PNPLA7: variants seen among roughly 807,000 people sequenced by gnomAD.
The protein encoded by PNPLA7 is patatin like domain 7, lysophospholipase.
In PNPLA7, 153 loss-of-function variants were observed where a neutral mutation model predicts 161.7. The observed-to-expected ratio is 0.95, with a 90% CI of 0.83 to 1.08. PNPLA7 has a LOEUF of 1.08. Among genes scored for constraint, PNPLA7 ranks in the 50% least tolerant of loss-of-function variants. The pLI, the probability that PNPLA7 is intolerant of heterozygous loss-of-function variation, is 0.00. For missense variants in PNPLA7, 1,739 were observed against 1,856.6 expected (o/e 0.94, Z 1.16); for synonymous variants, 809 against 782.1 (o/e 1.03, Z -0.57).
intron 1 of PNPLA7, among the ~76,000 whole-genome samples, chr9:137,548,729 C>G (rs1290917007): frequency 6.6e-6 from 1 of 152,136 alleles, no homozygotes; most frequent in Non-Finnish European, 1.5e-5. Context: ...GCCTGGGCGA[C>G]AGAGCGAGAC....
chr9:137,461,464 G>A (rs1588521442), intron 33 of PNPLA7, 72 bp downstream of exon 33: 2 of 1,459,670 alleles, frequency 1.4e-6, no homozygotes, highest in East Asian at 2.4e-5. Context: ...TCTGGGGTGG[G>A]GGGGTTCAAG....
chr9:137,515,506 G>A lies in PNPLA7; in HGVS notation c.1098C>T (p.Gly366=). 6.4e-7 allele frequency: 1 copy of A among 1,556,480 alleles called. No homozygotes were observed. The highest frequency in any genetic ancestry group is 2.3e-5 in the East Asian group (1 of 43,272). ...QESCDSDHGG[G]RPAAAGPLLK... The stretch of plus-strand genomic sequence containing the variant: ...GCAGGGGCCCAGCAGCTGCCGGGCG[G>A]CCGCCCCCGTGATCTGCTGGGGAGG... The change falls in exon 12 of 35, where the codon GGC becomes GGT. Residue 366 remains glycine, a synonymous_variant. Transcript: ENST00000406427.
chr9:137,492,200 G>A, intron 20 of PNPLA7: 4 of 985,200 alleles, frequency 4.1e-6, no homozygotes, highest in Non-Finnish European at 4.8e-6. Context: ...CTGGAGCAGG[G>A]AAAACTAAAT....
intron 22 of PNPLA7, 82 bp from the exon 23 acceptor site, chr9:137,480,562 A>G: frequency 2.7e-6 from 4 of 1,461,316 alleles, no homozygotes; most frequent in Non-Finnish European, 3.7e-6. Context: ...AAGAGGCAGC[A>G]GAGGCCAGCA....
rs1384917842 is a variant in PNPLA7, at chr9:137,512,012, C to T, written c.1225+3367G>A. On this transcript the variant is annotated intron_variant, in intron 12 of 34. Coordinates refer to ENST00000406427, the MANE Select transcript of PNPLA7 (RefSeq NM_001098537.3). Reference sequence around the variant, plus strand: ...TGTATACAATAAATAGCAGTGCGTCCAGGCCTTCAGGGCCACTACCGGACT... The same window carrying T: ...TGTATACAATAAATAGCAGTGCGTCTAGGCCTTCAGGGCCACTACCGGACT... Among the ~76,000 whole-genome samples, 7 of 152,328 alleles carry T rather than the reference C, an allele frequency of 4.6e-5. No homozygotes were observed. The South Asian group carries it at 8.3e-4, about 18-fold the overall frequency.
At chr9:137,493,298 C>T (rs1243604441) in intron 19 of PNPLA7, among the ~76,000 whole-genome samples, 3 of 152,234 alleles carry the variant, frequency 2.0e-5, no homozygotes, top group Admixed American at 6.5e-5. Context: ...GTAAGCCATA[C>T]GGCTGCCTTT....
At chr9:137,487,142 A>G (rs1832527028) in intron 20 of PNPLA7, among the ~76,000 whole-genome samples, 1 of 152,224 alleles carries the variant, frequency 6.6e-6, no homozygotes, top group Non-Finnish European at 1.5e-5. Flanking sequence ...CAGGTAAGCC[A>G]GGGATGGACG....
In PNPLA7 at chr9:137,537,566, C is replaced by T. The variant is rs1166709761; in HGVS notation, c.747+3076G>A. Among the ~76,000 whole-genome samples the T allele has an allele frequency of 1.3e-5, 2 of 152,188 alleles. No homozygotes were observed. Among genetic ancestry groups the T allele is most frequent in the East Asian group, 1.9e-4 (1 of 5,194 alleles). On this transcript the variant is annotated intron_variant, in intron 8 of 34. Coordinates refer to ENST00000406427, the MANE Select transcript of PNPLA7 (RefSeq NM_001098537.3). This position sits in a 1 kb window ranked among gnomAD's most constrained non-coding sequence, Gnocchi z 4.5. The stretch of plus-strand genomic sequence containing the variant: ...TCCTGACCTCGTGATCCGCCCACCT[C>T]GGCCTCCCAAAGTGCTGGGATTACA...
At chr9:137,516,270 C>A (rs996828278) in intron 11 of PNPLA7, 2 of 973,156 alleles carry the variant, frequency 2.1e-6, no homozygotes, top group African/African-American at 3.6e-5. Flanking sequence ...CTGGGCTCGC[C>A]TGGGATGGGC....
At chr9:137,544,057 C>T (rs1390098776) in intron 4 of PNPLA7, among the ~76,000 whole-genome samples, 1 of 152,194 alleles carries the variant, frequency 6.6e-6, no homozygotes, top group East Asian at 1.9e-4. Context: ...CCCTCCAGAG[C>T]CCCCAGGCTT....
intron 8 of PNPLA7, among the ~76,000 whole-genome samples, chr9:137,529,533 G>T (rs575105146): frequency 1.3e-5 from 2 of 152,230 alleles, no homozygotes; most frequent in South Asian, 4.1e-4. Flanking sequence ...CCACAAGTCT[G>T]TATCTGTGGA....
chr9:137,504,035 G>T (rs1374012769), intron 14 of PNPLA7, among the ~76,000 whole-genome samples: 1 of 101,462 alleles, frequency 9.9e-6, no homozygotes, highest in Non-Finnish European at 2.0e-5. Flanking sequence ...GGAGGAGGAA[G>T]GAAGAAGAAA....
At chr9:137,495,237 C>A in intron 18 of PNPLA7, 91 bp from the exon 19 acceptor site, 2 of 831,064 alleles carry the variant, frequency 2.4e-6, no homozygotes, top group Non-Finnish European at 3.8e-6. Flanking sequence ...CCTGCCAGAG[C>A]CACACATGAC....
At chr9:137,507,767 A>G (rs1437701956) in intron 12 of PNPLA7, among the ~76,000 whole-genome samples, 5 of 152,028 alleles carry the variant, frequency 3.3e-5, no homozygotes, top group African/African-American at 1.2e-4. Context: ...AAAATAAAAT[A>G]CGGGGGCCAG....
Position 137,486,301 on chromosome 9 carries a change from T to A in PNPLA7, c.2198-1565A>T, listed in dbSNP as rs1021741345. Among the ~76,000 whole-genome samples, 2 of 152,066 alleles carry A rather than the reference T, an allele frequency of 1.3e-5. No homozygotes were observed. Among genetic ancestry groups the A allele is most frequent in the East Asian group, 3.9e-4 (2 of 5,190 alleles). ...CGGCCAGCGGACACCTGCAAGATCC[T>A]GGGATGCACACGGCGCCGTGGCAGC... On this transcript the variant is annotated intron_variant, in intron 20 of 34. Transcript: ENST00000406427. This position sits in a 1 kb window ranked among gnomAD's most constrained non-coding sequence, Gnocchi z 6.0.
At chr9:137,469,449 T>G (rs777226957) in intron 25 of PNPLA7, among the ~76,000 whole-genome samples, 4 of 152,118 alleles carry the variant, frequency 2.6e-5, no homozygotes, top group Non-Finnish European at 4.4e-5. Context: ...TCAGGAAGCA[T>G]GATAAATCCT....
At chr9:137,479,652 G>A (rs1290982442) in intron 23 of PNPLA7, 2 of 985,350 alleles carry the variant, frequency 2.0e-6, no homozygotes, top group African/African-American at 1.7e-5. Context: ...GATGAGAACA[G>A]AGCAGGGAGC....
intron 14 of PNPLA7, among the ~76,000 whole-genome samples, chr9:137,502,712 C>CGGGGGGGACGGGGGGGACGAGGGGGACGA (rs1392067298): frequency 1.2e-4 from 1 of 8,212 alleles, no homozygotes; most frequent in Non-Finnish European, 2.0e-4. Flanking sequence ...GCGGGGGACG[C>CGGGGGGGACGGGGGGGACGAGGGGGACGA]GGGGGACGCG....
intron 25 of PNPLA7, among the ~76,000 whole-genome samples, chr9:137,471,190 C>T (rs567628584): frequency 1.9e-4 from 29 of 152,218 alleles, no homozygotes; most frequent in Non-Finnish European, 3.4e-4. Context: ...AAAGAATCTA[C>T]AACAAAGCTA....
Sources: gnomAD v4.1 joint callset for allele counts (sites outside exome capture counted in the v4.1 genomes callset) on GRCh38, gnomAD v4.1.1 for gene constraint, Gnocchi (gnomAD v3.1) non-coding constraint, MANE v1.5 for transcripts, NCBI Gene and HGNC (gene_info 2026-07-23, HGNC 2026-07-21) for gene names.